Variants in OGG1 observed in about 807,000 individuals in gnomAD.
The protein encoded by OGG1 is N-glycosylase/DNA lyase.
Under a neutral mutation model 42.3 loss-of-function variants are expected in OGG1, and 35 were observed. The observed-to-expected ratio is 0.83, with a 90% confidence interval of 0.63 to 1.10. OGG1 has a LOEUF of 1.10. Ranked by LOEUF, OGG1 falls within the 50% of genes least tolerant of loss-of-function variation. The probability of loss-of-function intolerance (pLI) is 0.00; values close to 1 mark genes in which losing one functional copy is unlikely to be tolerated. For missense variants in OGG1, 484 were observed against 446.7 expected (o/e 1.08, Z -0.75); for synonymous variants, 189 against 179.0 (o/e 1.06, Z -0.44).
At chr3:9,759,870 C>T, downstream of OGG1, 3 of 1,551,298 alleles carry the variant, frequency 1.9e-6, no homozygotes, top group Middle Eastern at 1.7e-4. Flanking sequence ...CAAATCAGTC[C>T]ATGCCCCACC....
chr3:9,752,170 C>A lies in OGG1; in HGVS notation c.565+221C>A, dbSNP rs1575186856. On this transcript the variant is annotated intron_variant, in intron 3 of 6. Coordinates refer to ENST00000344629, the MANE Select transcript of OGG1 (RefSeq NM_002542.6). ...TGCTTTTTGCCCAATGGGTTCAATG[C>A]CTAATCAGAAAAATATCTGTATACA... is the stretch of plus-strand genomic sequence containing the variant. The A allele has an allele frequency of 1.3e-5, 8 of 594,378 alleles. No homozygotes were observed. The East Asian group carries it at 2.2e-4, about 17-fold the overall frequency. The allele number at this position is 594,378 out of a possible 1,614,324, so 36.8% of individuals were successfully genotyped here. A position where few individuals can be genotyped will look rare whatever the true frequency, so the allele number is the denominator to read the frequency against.
chr3:9,775,220 C>T (rs2078349836), intron 2 of OGG1, among the ~76,000 whole-genome samples: 1 of 151,688 alleles, frequency 6.6e-6, no homozygotes. Context: ...GCCTGGGCAA[C>T]AGAGCAAGAC....
downstream of OGG1, among the ~76,000 whole-genome samples, chr3:9,770,860 C>CG (rs1301775851): frequency 2.6e-5 from 4 of 151,986 alleles, no homozygotes; most frequent in African/African-American, 9.7e-5. Context: ...GGAGGAGGCA[C>CG]GTTGCTTGGG....
chr3:9,784,023 C>G, intron 3 of OGG1: 3 of 1,612,718 alleles, frequency 1.9e-6, no homozygotes, highest in Middle Eastern at 1.7e-4. Context: ...CCTGCTAACG[C>G]TCACCTCAGC....
chr3:9,773,449 G>A (rs1306655534), intron 2 of OGG1, among the ~76,000 whole-genome samples: 1 of 152,062 alleles, frequency 6.6e-6, no homozygotes. Flanking sequence ...GCTGAGGCAG[G>A]AGAATGGCGT....
chr3:9,753,331 G>GACAGGGCA lies in OGG1; in HGVS notation c.566-1366_566-1365insAACAGGGC, dbSNP rs1423897611. 1.3e-3 allele frequency among the ~76,000 whole-genome samples: 189 copies of GACAGGGCA among 142,438 alleles called. 3 individuals carry two copies. The highest frequency in any genetic ancestry group is 8.5e-3 in the Admixed American group (119 of 13,988). 93.4% of individuals were successfully genotyped at this position (142,438 alleles called of 152,430 possible). On this transcript the variant is annotated intron_variant, in intron 3 of 6. Coordinates refer to ENST00000344629, the MANE Select transcript of OGG1 (RefSeq NM_002542.6). ...TGCACTCCAGCCTGGGCGACAGGGC[G>GACAGGGCA]ACAGGGCGAGACTCCGTCTCAAAAA... is the stretch of plus-strand genomic sequence containing the variant.
intron 2 of OGG1, chr3:9,780,100 A>C: frequency 2.6e-6 from 1 of 387,702 alleles, no homozygotes; most frequent in Non-Finnish European, 4.6e-6. Context: ...GAAGAGGAAG[A>C]CCCAGAAACG....
At chr3:9,766,437 C>CT in exon 8 of OGG1, 1 of 434,026 alleles carries the variant, frequency 2.3e-6, no homozygotes, top group Non-Finnish European at 4.3e-6. Context: ...CACCCGGGAA[C>CT]TTTTTTAGAA....
rs903532309 is a variant in OGG1 at position 9,751,009 on chromosome 3, C to G, written c.202C>G (p.Gln68Glu). 1.2e-6 allele frequency: 2 copies of G among 1,613,990 alleles called. No homozygotes were observed. The highest frequency in any genetic ancestry group is 1.7e-6 in the Non-Finnish European group (2 of 1,179,924). Reference protein sequence around the residue: ...VLADQVWTLTQTEEQLHCTVY... With the variant: ...VLADQVWTLTETEEQLHCTVY... The stretch of plus-strand genomic sequence containing the variant: ...AGCGGATCAAGTATGGACACTGACT[C>G]AGACTGAGGAGCAGCTCCACTGCAC... Residue 68 changes from glutamine (Q) to glutamate (E), a missense_variant, in exon 2 of 7, where the codon CAG (glutamine) becomes GAG (glutamate). Gln to Glu is a conservative substitution (Grantham distance 29). Coordinates refer to ENST00000344629, the MANE Select transcript of OGG1 (RefSeq NM_002542.6).
intron 3 of OGG1, among the ~76,000 whole-genome samples, chr3:9,782,321 C>G (rs293783): frequency 0.85 from 129,751 of 152,242 alleles, 55,492 homozygotes; most frequent in Non-Finnish European, 0.89. Flanking sequence ...TGTTTATTGA[C>G]TGTGTGACCT....
chr3:9,756,680 CTCTT>C (rs2077578238), intron 5 of OGG1, 59 bp downstream of exon 5: 1 of 1,613,094 alleles, frequency 6.2e-7, no homozygotes, highest in South Asian at 1.1e-5. Context: ...ACTTCTCTCT[CTCTT>C]AGTCACCTCT....
At chr3:9,762,194 T>C (rs2077908411), downstream of OGG1, 1 of 163,870 alleles carries the variant, frequency 6.1e-6, no homozygotes, top group Admixed American at 5.9e-5. Context: ...AAACCAGGCA[T>C]GTCACACCCC....
downstream of OGG1, chr3:9,758,975 G>C (rs1005282457): frequency 1.8e-6 from 1 of 561,454 alleles, no homozygotes; most frequent in African/African-American, 1.9e-5. Context: ...AGATTCTTCT[G>C]GGGCTCCTCA....
At chr3:9,784,965 C>G (rs777233591) in intron 3 of OGG1, among the ~76,000 whole-genome samples, 7 of 152,124 alleles carry the variant, frequency 4.6e-5, no homozygotes, top group Non-Finnish European at 1.0e-4. Flanking sequence ...CCACTTGTCA[C>G]TCTATAATTT....
At chr3:9,759,848 A>C (rs758893793), downstream of OGG1, 1 of 1,604,636 alleles carries the variant, frequency 6.2e-7, no homozygotes, top group Admixed American at 1.7e-5. Context: ...CCTGGCATCA[A>C]GACAAAGAGG....
intron 2 of OGG1, 21 bp from the exon 3 acceptor site, chr3:9,751,749 C>G (rs199507743): frequency 2.2e-5 from 36 of 1,612,620 alleles, no homozygotes; most frequent in Non-Finnish European, 2.9e-5. Flanking sequence ...CTCTCCTACC[C>G]CCTGCATTTC....
At chr3:9,755,600 A>G (rs892691014) in intron 4 of OGG1, among the ~76,000 whole-genome samples, 2 of 151,136 alleles carry the variant, frequency 1.3e-5, no homozygotes, top group Admixed American at 6.6e-5. Context: ...ATTAGCTGGG[A>G]TTACAGGCAT....
At chr3:9,789,204 G>C (rs993252945), downstream of OGG1, among the ~76,000 whole-genome samples, 1 of 152,218 alleles carries the variant, frequency 6.6e-6, no homozygotes, top group Admixed American at 6.5e-5. Context: ...AGAGTTAAGA[G>C]GCTGTTTGGA....
chr3:9,766,318 T>C (rs778087211), exon 8 of OGG1: 28 of 694,708 alleles, frequency 4.0e-5, no homozygotes, highest in African/African-American at 7.0e-5. Context: ...ATGCCTGAGG[T>C]CTACCCCTGG....
Sources: gnomAD v4.1 joint callset for allele counts (sites outside exome capture counted in the v4.1 genomes callset) on GRCh38, gnomAD v4.1.1 for gene constraint, MANE v1.5 for transcripts, NCBI Gene and HGNC (gene_info 2026-07-23, HGNC 2026-07-21) for gene names.